Variants in EDDM13 observed in about 807,000 individuals in gnomAD.
The protein encoded by EDDM13 is epididymal protein 13.
In EDDM13, 24 loss-of-function variants were observed where a neutral mutation model predicts 17.8. That is an observed-to-expected ratio of 1.35 (90% CI 0.98 to 1.90). EDDM13 has a LOEUF of 1.90. Among genes scored for constraint, EDDM13 ranks in the 40% most tolerant of loss-of-function variants. The probability of loss-of-function intolerance (pLI) is 0.00; values close to 1 mark genes in which losing one functional copy is unlikely to be tolerated. For missense variants in EDDM13, 97 were observed against 100.8 expected (o/e 0.96, Z 0.16); for synonymous variants, 31 against 37.5 (o/e 0.83, Z 0.63).
At chr19:56,285,826 T>C (rs2039074531) in intron 6 of EDDM13, among the ~76,000 whole-genome samples, 1 of 152,168 alleles carries the variant, frequency 6.6e-6, no homozygotes. Context: ...AGCGCTATAA[T>C]GGAAATCCTT....
intron 2 of EDDM13, among the ~76,000 whole-genome samples, chr19:56,281,322 G>C (rs1381050804): frequency 6.6e-6 from 1 of 151,366 alleles, no homozygotes; most frequent in African/African-American, 2.4e-5. Context: ...TAACCATGTA[G>C]TTCAAACCTG....
chr19:56,278,246 G>C (rs59503198), intron 2 of EDDM13, among the ~76,000 whole-genome samples: 63,813 of 151,854 alleles, frequency 0.42, 14,547 homozygotes, highest in Non-Finnish European at 0.51. Context: ...CTCAGCATCC[G>C]AAGTAGCCTC....
chr19:56,295,319 C>T (rs139171804), intron 9 of EDDM13, among the ~76,000 whole-genome samples: 265 of 152,214 alleles, frequency 1.7e-3, no homozygotes, highest in Middle Eastern at 6.8e-3. Context: ...AAAGGCCTGG[C>T]ATGGTAGCTC....
intron 14 of EDDM13, among the ~76,000 whole-genome samples, chr19:56,305,638 C>G (rs1476654384): frequency 6.6e-6 from 1 of 152,190 alleles, no homozygotes; most frequent in Non-Finnish European, 1.5e-5. Flanking sequence ...TAACGACCCA[C>G]TGATGCATCC....
chr19:56,302,770 C>T (rs2040430735), intron 13 of EDDM13: 1 of 397,950 alleles, frequency 2.5e-6, no homozygotes, highest in Non-Finnish European at 4.4e-6. Context: ...CTAACACAGC[C>T]CCAGGGGCTC....
intron 5 of EDDM13, 58 bp from the exon 6 acceptor site, chr19:56,284,940 A>T: frequency 1.1e-6 from 1 of 892,192 alleles, no homozygotes. Flanking sequence ...AAATCCATTA[A>T]TTAGGCATAT....
At chr19:56,285,120 A>G (rs1426270658) in intron 6 of EDDM13, 96 bp downstream of exon 6, 1 of 528,190 alleles carries the variant, frequency 1.9e-6, no homozygotes, top group African/African-American at 2.1e-5. Flanking sequence ...GGTAGAGTCT[A>G]AAGAACACTT....
At chr19:56,285,454 T>C (rs2039034206) in intron 6 of EDDM13, among the ~76,000 whole-genome samples, 1 of 152,242 alleles carries the variant, frequency 6.6e-6, no homozygotes, top group Admixed American at 6.5e-5. Flanking sequence ...TTTAGTGATA[T>C]AACTTTACCT....
At chr19:56,279,133 T>C (rs1210874093) in intron 2 of EDDM13, among the ~76,000 whole-genome samples, 1 of 152,208 alleles carries the variant, frequency 6.6e-6, no homozygotes, top group African/African-American at 2.4e-5. Flanking sequence ...CTTACTGCTA[T>C]ATGGGTGCCT....
intron 12 of EDDM13, chr19:56,299,878 T>C (rs1244462979): frequency 6.6e-6 from 1 of 152,224 alleles, no homozygotes; most frequent in Admixed American, 6.5e-5. Flanking sequence ...ACATGTTCCC[T>C]CTGAGATCAC....
At chr19:56,304,490 G>A (rs970259871) in intron 13 of EDDM13, among the ~76,000 whole-genome samples, 7 of 152,168 alleles carry the variant, frequency 4.6e-5, no homozygotes, top group African/African-American at 1.2e-4. Context: ...AACACGCCAC[G>A]ACAAAAATAA....
chr19:56,276,680 G>C (rs1200309130), intron 2 of EDDM13, among the ~76,000 whole-genome samples: 1 of 151,974 alleles, frequency 6.6e-6, no homozygotes, highest in Non-Finnish European at 1.5e-5. Flanking sequence ...GGGACTACAG[G>C]CTGCGCGCCA....
chr19:56,285,693 C>A (rs538191248), intron 6 of EDDM13, among the ~76,000 whole-genome samples: 21 of 152,228 alleles, frequency 1.4e-4, no homozygotes, highest in Middle Eastern at 3.4e-3. Context: ...GTCGGCCAGG[C>A]TGGTCTCGAA....
chr19:56,279,469 TGAAAG>T (rs2038517896), intron 2 of EDDM13, among the ~76,000 whole-genome samples: 1 of 152,168 alleles, frequency 6.6e-6, no homozygotes, highest in African/African-American at 2.4e-5. Context: ...TATTTCAGGT[TGAAAG>T]GAGATAAAAG....
At chr19:56,283,781 A>G (rs1346395476) in intron 4 of EDDM13, 3 of 152,236 alleles carry the variant, frequency 2.0e-5, no homozygotes, top group Admixed American at 6.5e-5. Flanking sequence ...CCTCACCAGC[A>G]ACATAGGGAC....
intron 9 of EDDM13, among the ~76,000 whole-genome samples, chr19:56,293,583 C>T (rs1001032536): frequency 2.6e-5 from 4 of 152,200 alleles, no homozygotes; most frequent in African/African-American, 9.6e-5. Flanking sequence ...TTCGGACCCT[C>T]GCCTCCTGAA....
chr19:56,305,459 G>A (rs2040624423), intron 14 of EDDM13, among the ~76,000 whole-genome samples: 1 of 152,192 alleles, frequency 6.6e-6, no homozygotes, highest in Non-Finnish European at 1.5e-5. Flanking sequence ...CATGGACATA[G>A]CACACTTTGT....
chr19:56,304,860 C>A, intron 14 of EDDM13, 30 bp downstream of exon 14: 1 of 944,968 alleles, frequency 1.1e-6, no homozygotes, highest in Non-Finnish European at 1.3e-6. Flanking sequence ...TGGGCTTTTC[C>A]CACCGCTGGG....
intron 1 of EDDM13, among the ~76,000 whole-genome samples, chr19:56,273,799 G>A (rs750472464): frequency 2.0e-5 from 3 of 152,128 alleles, no homozygotes; most frequent in Non-Finnish European, 2.9e-5. Context: ...AATGTTGGAT[G>A]TTATCCTCAG....
Sources: allele counts gnomAD v4.1 joint callset (sites outside exome capture counted in the v4.1 genomes callset), GRCh38; gene constraint gnomAD v4.1.1; transcripts MANE v1.5; gene names NCBI Gene and HGNC (gene_info 2026-07-23, HGNC 2026-07-21).